LARP1: variants seen among roughly 807,000 people sequenced by gnomAD.
LARP1 encodes La ribonucleoprotein 1, translational regulator.
In LARP1, 36 loss-of-function variants were observed where a neutral mutation model predicts 122.7. That is an observed-to-expected ratio of 0.29 (90% CI 0.22 to 0.39). The LOEUF (loss-of-function observed/expected upper bound fraction) is 0.39. Ranked by LOEUF, LARP1 falls within the 10% of genes least tolerant of loss-of-function variation. The pLI is 1.00. For synonymous variants in LARP1, 539 were observed against 528.7 expected (o/e 1.02, Z -0.27); for missense variants, 1,040 against 1,403.6 (o/e 0.74, Z 4.14).
chr5:154,687,646 G>A (rs868676045), intron 1 of LARP1, among the ~76,000 whole-genome samples: 3 of 152,198 alleles, frequency 2.0e-5, no homozygotes, highest in Non-Finnish European at 2.9e-5. Flanking sequence ...CTCCCAAAGT[G>A]CTGGGATTAC....
intron 16 of LARP1, among the ~76,000 whole-genome samples, chr5:154,810,297 G>A (rs1156705360): frequency 3.1e-4 from 47 of 151,602 alleles, no homozygotes; most frequent in African/African-American, 1.0e-3. Flanking sequence ...TTAGCTGGGT[G>A]TGGTGGCACA....
In LARP1 at chr5:154,758,218, G is replaced by A. The variant is rs553528782; in HGVS notation, c.436+2025G>A. Among the ~76,000 whole-genome samples, 4 of 152,198 alleles carry A rather than the reference G, an allele frequency of 2.6e-5. No individual in the cohort carries two copies. The South Asian group carries it at 8.3e-4, about 32-fold the overall frequency. On this transcript the variant is annotated intron_variant, in intron 1 of 18. Transcript: ENST00000518297. ...TGTGTAAGTCCAGGAGCCCTTGATA[G>A]TGTGCGTCACTGGGGTTATTGATCG...
At chr5:154,785,783 G>T (rs1221620828) in intron 1 of LARP1, among the ~76,000 whole-genome samples, 1 of 152,132 alleles carries the variant, frequency 6.6e-6, no homozygotes, top group Non-Finnish European at 1.5e-5. Context: ...CAGAGGAGCC[G>T]CCATCCCTAT....
intron 1 of LARP1, among the ~76,000 whole-genome samples, chr5:154,748,821 C>T (rs986375698): frequency 6.6e-6 from 1 of 152,096 alleles, no homozygotes; most frequent in African/African-American, 2.4e-5. Flanking sequence ...ATAGTTGAGC[C>T]AGGATTCACA....
At position 154,803,804 on chromosome 5, in the gene LARP1, C is replaced by A; in HGVS notation, c.2439+59C>A. On this transcript the variant is annotated intron_variant, in intron 13 of 18. Transcript: ENST00000518297. This position sits in a 1 kb window ranked among gnomAD's most constrained non-coding sequence, Gnocchi z 4.4. ...GGGTCTACTTCATTGCATTCCAGTGCTTTGCTTCTCTCCCTTGCCTTGTCT... is the reference window on the plus strand; with the variant it reads ...GGGTCTACTTCATTGCATTCCAGTGATTTGCTTCTCTCCCTTGCCTTGTCT... 6.7e-7 allele frequency: 1 copy of A among 1,495,090 alleles called. No individual in the cohort carries two copies. Among genetic ancestry groups the A allele is most frequent in the South Asian group, 1.1e-5 (1 of 87,558 alleles). 92.6% of individuals were successfully genotyped at this position (1,495,090 alleles called of 1,614,324 possible).
At chr5:154,724,235 G>A (rs1015391740) in intron 1 of LARP1, among the ~76,000 whole-genome samples, 13 of 152,218 alleles carry the variant, frequency 8.5e-5, no homozygotes, top group African/African-American at 3.1e-4. Flanking sequence ...ACTCTGCCAA[G>A]CACTTTATTC....
chr5:154,771,319 C>T (rs546099048), intron 1 of LARP1, among the ~76,000 whole-genome samples: 1 of 152,164 alleles, frequency 6.6e-6, no homozygotes, highest in African/African-American at 2.4e-5. Flanking sequence ...ATTGAACTTT[C>T]AAGCTACCAC....
At chr5:154,796,762 G>T (rs1757892221) in intron 8 of LARP1, among the ~76,000 whole-genome samples, 1 of 152,126 alleles carries the variant, frequency 6.6e-6, no homozygotes, top group South Asian at 2.1e-4. Context: ...AAGTAACTTT[G>T]CCTCATCAAC....
intron 1 of LARP1, among the ~76,000 whole-genome samples, chr5:154,705,881 CAAAAT>C (rs1330542271): frequency 1.3e-5 from 2 of 152,122 alleles, no homozygotes; most frequent in Non-Finnish European, 2.9e-5. Context: ...ATATCAAAAA[CAAAAT>C]AAATCATTTT....
intron 1 of LARP1, among the ~76,000 whole-genome samples, chr5:154,789,805 T>G (rs1029995045): frequency 6.6e-6 from 1 of 152,222 alleles, no homozygotes; most frequent in South Asian, 2.1e-4. Flanking sequence ...CAAAAATGTT[T>G]CCTGAGCAGC....
At chr5:154,800,343 T>C (rs1213278784) in intron 10 of LARP1, among the ~76,000 whole-genome samples, 1 of 152,216 alleles carries the variant, frequency 6.6e-6, no homozygotes, top group Non-Finnish European at 1.5e-5. Context: ...GATTCTTGGC[T>C]CTTCTTTTTG....
chr5:154,806,171 A>G (rs17116442), intron 15 of LARP1, 139 bp downstream of exon 15: 99,863 of 919,746 alleles, frequency 0.11, 7,121 homozygotes, highest in African/African-American at 0.3. Context: ...ATAGCAAGAA[A>G]GACTGAAGTT....
At chr5:154,704,478 C>T (rs1754855831) in intron 1 of LARP1, among the ~76,000 whole-genome samples, 1 of 151,688 alleles carries the variant, frequency 6.6e-6, no homozygotes, top group African/African-American at 2.4e-5. Flanking sequence ...GAAACCTGGC[C>T]CCTACTAAAA....
chr5:154,807,247 C>T (rs1255224044), intron 15 of LARP1, among the ~76,000 whole-genome samples: 1 of 152,128 alleles, frequency 6.6e-6, no homozygotes, highest in Non-Finnish European at 1.5e-5. Flanking sequence ...AGTTGATTGG[C>T]ATTTGGGTTG....
At chr5:154,686,001 CAATTGGG>C in intron 1 of LARP1, 1 of 460,642 alleles carries the variant, frequency 2.2e-6, no homozygotes, top group Non-Finnish European at 4.2e-6. Context: ...AAACTCATCA[CAATTGGG>C]ATTAGGTATC....
At chr5:154,716,931 G>C (rs997240884) in intron 1 of LARP1, among the ~76,000 whole-genome samples, 1 of 152,006 alleles carries the variant, frequency 6.6e-6, no homozygotes, top group Non-Finnish European at 1.5e-5. Flanking sequence ...GTCATTGAGT[G>C]CATCTGTTGT....
At chr5:154,798,222 G>A (rs1295695232) in intron 8 of LARP1, among the ~76,000 whole-genome samples, 1 of 152,178 alleles carries the variant, frequency 6.6e-6, no homozygotes, top group African/African-American at 2.4e-5. Flanking sequence ...TATAGTCATA[G>A]AAGTCTGACT....
intron 1 of LARP1, among the ~76,000 whole-genome samples, chr5:154,768,635 G>A (rs1473403268): frequency 1.3e-5 from 2 of 152,094 alleles, no homozygotes; most frequent in Admixed American, 1.3e-4. Context: ...AAGCTGGAGT[G>A]CAGTGGCGCG....
At chr5:154,693,713 G>A (rs1249357139) in intron 1 of LARP1, among the ~76,000 whole-genome samples, 1 of 151,954 alleles carries the variant, frequency 6.6e-6, no homozygotes, top group African/African-American at 2.4e-5. Flanking sequence ...AAAATTAGCC[G>A]GGCGTGGTGG....
Sources: gnomAD v4.1 joint callset for allele counts (sites outside exome capture counted in the v4.1 genomes callset) on GRCh38, gnomAD v4.1.1 for gene constraint, Gnocchi (gnomAD v3.1) non-coding constraint, MANE v1.5 for transcripts, NCBI Gene and HGNC (gene_info 2026-07-23, HGNC 2026-07-21) for gene names.